The following TCF12 variants were observed in gnomAD, a reference collection of about 807,000 sequenced individuals.
The protein encoded by TCF12 is transcription factor 12.
TCF12 carries 45 observed loss-of-function variants against 86.0 expected under a neutral mutation model. The observed-to-expected ratio is 0.52, with a 90% CI of 0.41 to 0.67. The LOEUF is 0.67. Among genes scored for constraint, TCF12 ranks in the 30% least tolerant of loss-of-function variants. TCF12 has a pLI of 0.00. For synonymous variants in TCF12, 330 were observed against 299.6 expected (o/e 1.10, Z -1.05); for missense variants, 881 against 859.9 (o/e 1.02, Z -0.31).
intron 6 of TCF12, among the ~76,000 whole-genome samples, chr15:57,185,190 T>C (rs2056597131): frequency 6.6e-6 from 1 of 152,244 alleles, no homozygotes; most frequent in Non-Finnish European, 1.5e-5. Flanking sequence ...AAAGTGTACA[T>C]TTTGAGGAGT....
intron 3 of TCF12, among the ~76,000 whole-genome samples, chr15:57,024,216 CT>C (rs59793819): frequency 0.045 from 4,965 of 110,786 alleles, 69 homozygotes; most frequent in Admixed American, 0.13. Context: ...AAAAAAGTGT[CT>C]TTTTTTTTTT....
At chr15:57,068,701 C>A (rs2069114635) in intron 4 of TCF12, among the ~76,000 whole-genome samples, 1 of 152,030 alleles carries the variant, frequency 6.6e-6, no homozygotes, top group Non-Finnish European at 1.5e-5. Flanking sequence ...AGGAAAGAAT[C>A]AAAGTTGATT....
intron 6 of TCF12, among the ~76,000 whole-genome samples, 189 bp downstream of exon 6, chr15:57,166,655 C>T (rs533155405): frequency 1.3e-5 from 2 of 152,314 alleles, no homozygotes; most frequent in South Asian, 4.1e-4. Flanking sequence ...CTGTCTTTAT[C>T]ATCAAAGATT....
chr15:57,050,459 C>G (rs1201264978), intron 3 of TCF12, among the ~76,000 whole-genome samples: 1 of 151,996 alleles, frequency 6.6e-6, no homozygotes, highest in Admixed American at 6.5e-5. Context: ...TCTTTTTTCT[C>G]TCTGGTGAAT....
intron 8 of TCF12, among the ~76,000 whole-genome samples, chr15:57,209,141 G>A (rs1258155146): frequency 3.9e-5 from 6 of 152,144 alleles, no homozygotes; most frequent in Admixed American, 6.6e-5. Context: ...TCTATAATAG[G>A]AAACATCACC....
chr15:57,168,443 A>T (rs549588299), intron 6 of TCF12, among the ~76,000 whole-genome samples: 1 of 152,334 alleles, frequency 6.6e-6, no homozygotes, highest in Non-Finnish European at 1.5e-5. Context: ...AAGATACACA[A>T]TTTATTCTGT....
chr15:57,089,510 T>C (rs1335074043), intron 4 of TCF12, among the ~76,000 whole-genome samples: 1 of 151,952 alleles, frequency 6.6e-6, no homozygotes, highest in Non-Finnish European at 1.5e-5. Flanking sequence ...TAATAAATTG[T>C]GTGTAGTCAT....
In TCF12 at chr15:57,282,431, T is replaced by G. The variant is rs748871573; in HGVS notation, c.1979-14T>G. 1.2e-6 allele frequency: 2 copies of G among 1,614,004 alleles called. No homozygotes were observed. The highest frequency in any genetic ancestry group is 3.3e-5 in the Admixed American group (2 of 60,000). On this transcript the variant is annotated splice_polypyrimidine_tract_variant and intron_variant, in intron 19 of 20. Coordinates refer to ENST00000333725, the MANE Select transcript of TCF12 (RefSeq NM_207037.2). ...TAAAACCATAGTGATAAAAATTCTT[T>G]CCCCCTGTTTTAGAGAGGAACCTTA...
chr15:56,924,496 A>G (rs1236235160), intron 3 of TCF12, among the ~76,000 whole-genome samples: 1 of 152,232 alleles, frequency 6.6e-6, no homozygotes, highest in Non-Finnish European at 1.5e-5. Context: ...ACTGTGATAG[A>G]AATAGGAATG....
chr15:57,058,017 T>C (rs1247248778), intron 3 of TCF12, among the ~76,000 whole-genome samples: 1 of 152,138 alleles, frequency 6.6e-6, no homozygotes, highest in Non-Finnish European at 1.5e-5. Context: ...TTCTAGAAAC[T>C]TGACAGCTAA....
At chr15:57,177,826 T>C (rs2056064009) in intron 6 of TCF12, among the ~76,000 whole-genome samples, 3 of 151,990 alleles carry the variant, frequency 2.0e-5, no homozygotes, top group African/African-American at 7.2e-5. Context: ...GTTTGGGTAA[T>C]TCACTGCAGC....
chr15:57,125,275 G>T (rs1422234686), intron 5 of TCF12, among the ~76,000 whole-genome samples: 1 of 152,194 alleles, frequency 6.6e-6, no homozygotes, highest in African/African-American at 2.4e-5. Context: ...TTATCCAGTG[G>T]TAAGGTCTGA....
intron 3 of TCF12, among the ~76,000 whole-genome samples, chr15:57,013,030 C>T (rs532405503): frequency 1.7e-4 from 26 of 151,442 alleles, no homozygotes; most frequent in East Asian, 1.6e-3. Flanking sequence ...TGTAAGATAC[C>T]GCAGATTTTT....
At chr15:56,966,735 T>TTA (rs1390498642) in intron 3 of TCF12, among the ~76,000 whole-genome samples, 7 of 152,318 alleles carry the variant, frequency 4.6e-5, no homozygotes, top group African/African-American at 1.7e-4. Context: ...AGTAAATGGC[T>TTA]TATATATATT....
chr15:57,256,722 G>A (rs1597686875), intron 16 of TCF12, among the ~76,000 whole-genome samples: 1 of 152,050 alleles, frequency 6.6e-6, no homozygotes, highest in Admixed American at 6.6e-5. Context: ...CAGCAATTTG[G>A]TACCACCATA....
chr15:56,975,011 T>G (rs1029545853), intron 3 of TCF12, among the ~76,000 whole-genome samples: 3 of 152,168 alleles, frequency 2.0e-5, no homozygotes, highest in South Asian at 2.1e-4. Context: ...TGGACCTCCT[T>G]AAAATATATT....
At chr15:56,951,166 T>C (rs528130578) in intron 3 of TCF12, among the ~76,000 whole-genome samples, 35 of 152,316 alleles carry the variant, frequency 2.3e-4, no homozygotes, top group African/African-American at 2.9e-4. Flanking sequence ...TTCCCACTTA[T>C]AGTGTATGAG....
intron 5 of TCF12, among the ~76,000 whole-genome samples, chr15:57,110,508 G>C (rs944589723): frequency 3.3e-5 from 5 of 152,166 alleles, no homozygotes; most frequent in Admixed American, 3.3e-4. Flanking sequence ...ATCGTTCCAT[G>C]GTGCTCATTA....
chr15:56,927,270 C>T (rs756241969), intron 3 of TCF12, among the ~76,000 whole-genome samples: 4 of 151,986 alleles, frequency 2.6e-5, no homozygotes, highest in East Asian at 1.9e-4. Context: ...AAAAGAAGAC[C>T]GTCTTTTTTC....
Sources: gnomAD v4.1 joint callset for allele counts (sites outside exome capture counted in the v4.1 genomes callset) on GRCh38, gnomAD v4.1.1 for gene constraint, MANE v1.5 for transcripts, NCBI Gene and HGNC (gene_info 2026-07-23, HGNC 2026-07-21) for gene names.